The following PRKCA variants were observed in gnomAD, a reference collection of about 807,000 sequenced individuals.
PRKCA encodes the protein protein kinase C alpha type.
PRKCA carries 27 observed loss-of-function variants against 87.0 expected under a neutral mutation model. The ratio of observed to expected loss-of-function variants is 0.31; its 90% CI spans 0.23 to 0.43. The LOEUF is 0.43. PRKCA is among the 20% of genes least tolerant of loss of function. The pLI, the probability that PRKCA is intolerant of heterozygous loss-of-function variation, is 1.00. For synonymous variants in PRKCA, 329 were observed against 311.1 expected, an observed-to-expected ratio of 1.06 and a Z score of -0.61; for missense variants, 518 against 852.3, an observed-to-expected ratio of 0.61 and a Z score of 4.88.
chr17:66,632,615 A>G (rs988642544), intron 3 of PRKCA, among the ~76,000 whole-genome samples: 118 of 152,102 alleles, frequency 7.8e-4, no homozygotes, highest in African/African-American at 2.5e-3. Flanking sequence ...CCTGAGCTCA[A>G]ACGATCCTCC....
intron 2 of PRKCA, among the ~76,000 whole-genome samples, chr17:66,390,000 G>A (rs1910274294): frequency 6.6e-6 from 1 of 152,218 alleles, no homozygotes; most frequent in Admixed American, 6.5e-5. Flanking sequence ...AAGGCGGGTG[G>A]ATCACCTGAG....
At chr17:66,504,235 G>A (rs1227845195) in intron 3 of PRKCA, among the ~76,000 whole-genome samples, 1 of 152,008 alleles carries the variant, frequency 6.6e-6, no homozygotes, top group African/African-American at 2.4e-5. Flanking sequence ...CCCTCCCAAG[G>A]CAGGGATTAT....
At chr17:66,580,013 G>A (rs1256975721) in intron 3 of PRKCA, among the ~76,000 whole-genome samples, 2 of 152,296 alleles carry the variant, frequency 1.3e-5, no homozygotes, top group East Asian at 1.9e-4. Flanking sequence ...GATCAGGGGA[G>A]ATGTCTCGGC....
At chr17:66,458,878 G>C (rs1914702864) in intron 2 of PRKCA, among the ~76,000 whole-genome samples, 1 of 152,194 alleles carries the variant, frequency 6.6e-6, no homozygotes, top group Non-Finnish European at 1.5e-5. Context: ...AAAGGCAAAA[G>C]GGGGAAGGAG....
intron 3 of PRKCA, among the ~76,000 whole-genome samples, chr17:66,607,240 C>G (rs1389532875): frequency 6.6e-6 from 1 of 151,990 alleles, no homozygotes. Flanking sequence ...CTTAAAACAC[C>G]TTTCATTAAT....
chr17:66,450,795 C>CTT (rs10645913), intron 2 of PRKCA, among the ~76,000 whole-genome samples: 152,173 of 152,344 alleles, frequency 1, 76,001 homozygotes, highest in Middle Eastern at 1. Context: ...GGCCCCTGTA[C>CTT]TAGTACATTT....
intron 2 of PRKCA, among the ~76,000 whole-genome samples, chr17:66,353,087 T>C (rs1907847826): frequency 6.6e-6 from 1 of 152,142 alleles, no homozygotes; most frequent in African/African-American, 2.4e-5. Context: ...GTTCTTTTTA[T>C]GCCATGCACT....
chr17:66,514,808 G>T (rs1255649005), intron 3 of PRKCA, among the ~76,000 whole-genome samples: 2 of 148,774 alleles, frequency 1.3e-5, no homozygotes, highest in Non-Finnish European at 2.9e-5. Context: ...TTCCATTCCA[G>T]CAGTTTCCAT....
intron 2 of PRKCA, among the ~76,000 whole-genome samples, chr17:66,392,319 A>G (rs1910415488): frequency 6.6e-6 from 1 of 152,164 alleles, no homozygotes; most frequent in Admixed American, 6.5e-5. Context: ...AAAAATGGAA[A>G]CAATTAGAAA....
chr17:66,575,379 G>A (rs950482029), intron 3 of PRKCA, among the ~76,000 whole-genome samples: 5 of 152,200 alleles, frequency 3.3e-5, no homozygotes, highest in African/African-American at 1.2e-4. Context: ...AAGAGTTCTA[G>A]ACCAGCATGG....
chr17:66,697,432 T>C (rs549522185), intron 8 of PRKCA, among the ~76,000 whole-genome samples: 29 of 152,226 alleles, frequency 1.9e-4, no homozygotes, highest in African/African-American at 6.5e-4. Context: ...CATCCACAAA[T>C]AAACACATTG....
Position 66,679,174 on chromosome 17 carries a change from C to CTTTTT in PRKCA, c.530-7921_530-7917dup, listed in dbSNP as rs10714678. On this transcript the variant is annotated intron_variant, in intron 5 of 16. Transcript: ENST00000413366. ...ATCCCTGAAGCTACTACACTCACACCTTTTTTTTTTTTTTTTTTTTCTTTG... is the reference window on the plus strand; with the variant it reads ...ATCCCTGAAGCTACTACACTCACACCTTTTTTTTTTTTTTTTTTTTTTTTTCTTTG... Among the ~76,000 whole-genome samples the CTTTTT allele has an allele frequency of 4.1e-5, 5 of 121,054 alleles. 1 individual carries two copies. The highest frequency in any genetic ancestry group is 3.4e-5 in the Non-Finnish European group (2 of 59,274). The allele number at this position is 121,054 out of a possible 152,430, so 79.4% of individuals were successfully genotyped here.
intron 5 of PRKCA, among the ~76,000 whole-genome samples, chr17:66,651,050 G>A (rs1025298247): frequency 6.6e-6 from 1 of 152,146 alleles, no homozygotes. Flanking sequence ...GAGAAGGGGA[G>A]CCTCAGTGGC....
chr17:66,355,504 C>T (rs1358214919), intron 2 of PRKCA, among the ~76,000 whole-genome samples: 4 of 151,992 alleles, frequency 2.6e-5, no homozygotes, highest in Admixed American at 2.6e-4. Flanking sequence ...GTGTGTGTTA[C>T]ATCATTCTGA....
intron 5 of PRKCA, among the ~76,000 whole-genome samples, 165 bp from the exon 6 acceptor site, chr17:66,686,946 G>A (rs185346126): frequency 3.4e-3 from 512 of 152,250 alleles, no homozygotes; most frequent in Non-Finnish European, 6.0e-3. Flanking sequence ...TGGTGGCAGC[G>A]GGTAGCTTTT....
rs963794569 is a variant in PRKCA at position 66,740,961 on chromosome 17, G to A, written c.1323-698G>A. ...TAGAGATTTTTTTTCCTCTCTGCTC[G>A]TGTAGACACGTGTGCTTATTTTGAG... On this transcript the variant is annotated intron_variant, in intron 11 of 16. Transcript: ENST00000413366. 6.6e-5 allele frequency among the ~76,000 whole-genome samples: 10 copies of A among 152,090 alleles called. No homozygotes were observed. The South Asian group carries it at 1.0e-3, about 16-fold the overall frequency.
At chr17:66,776,028 A>G (rs1975037704) in intron 14 of PRKCA, among the ~76,000 whole-genome samples, 1 of 152,234 alleles carries the variant, frequency 6.6e-6, no homozygotes, top group African/African-American at 2.4e-5. Flanking sequence ...ATCTGTTGAA[A>G]GGGCATTCCA....
intron 2 of PRKCA, among the ~76,000 whole-genome samples, chr17:66,480,755 C>T (rs1464819572): frequency 6.6e-6 from 1 of 151,286 alleles, no homozygotes; most frequent in Non-Finnish European, 1.5e-5. Flanking sequence ...TTCCCTCACC[C>T]ACAGGAGCTT....
chr17:66,740,405 C>T (rs1416031708), intron 11 of PRKCA, among the ~76,000 whole-genome samples: 1 of 152,114 alleles, frequency 6.6e-6, no homozygotes, highest in Non-Finnish European at 1.5e-5. Context: ...GTGAGGAAAC[C>T]TCGGGGGCAT....
Sources: allele counts gnomAD v4.1 joint callset (sites outside exome capture counted in the v4.1 genomes callset), GRCh38; gene constraint gnomAD v4.1.1; transcripts MANE v1.5; gene names NCBI Gene and HGNC (gene_info 2026-07-23, HGNC 2026-07-21).